CPQ: variants seen among roughly 807,000 people sequenced by gnomAD.
The protein encoded by CPQ is carboxypeptidase Q.
A neutral mutation model predicts 45.7 loss-of-function variants in CPQ; 37 were observed. The ratio of observed to expected loss-of-function variants is 0.81; its 90% CI spans 0.62 to 1.07. CPQ has a LOEUF of 1.07. Among genes scored for constraint, CPQ ranks in the 50% least tolerant of loss-of-function variants. The probability of loss-of-function intolerance (pLI) is 0.00; values close to 1 mark genes in which losing one functional copy is unlikely to be tolerated. For missense variants in CPQ, 537 were observed against 572.9 expected (o/e 0.94, Z 0.64); for synonymous variants, 186 against 205.8 (o/e 0.90, Z 0.82).
chr8:96,898,082 T>C (rs1812467214), intron 4 of CPQ, among the ~76,000 whole-genome samples: 1 of 152,114 alleles, frequency 6.6e-6, no homozygotes, highest in Non-Finnish European at 1.5e-5. Context: ...ACCCTTCCTT[T>C]GGAAACAGCA....
chr8:96,773,292 T>C (rs1252041506), intron 1 of CPQ, among the ~76,000 whole-genome samples: 1 of 152,210 alleles, frequency 6.6e-6, no homozygotes, highest in Non-Finnish European at 1.5e-5. Context: ...GAGAACATGC[T>C]TGGTGAATTT....
At chr8:96,940,978 T>C (rs939096896) in intron 4 of CPQ, among the ~76,000 whole-genome samples, 1 of 152,160 alleles carries the variant, frequency 6.6e-6, no homozygotes, top group Admixed American at 6.6e-5. Flanking sequence ...CTCCTTAAAA[T>C]GAGCCAGCAT....
At chr8:96,683,911 T>G (rs1317167159) in intron 1 of CPQ, among the ~76,000 whole-genome samples, 2 of 152,160 alleles carry the variant, frequency 1.3e-5, no homozygotes, top group Non-Finnish European at 2.9e-5. Context: ...TGGATATCTG[T>G]CTCTGGTATT....
chr8:96,913,453 C>T (rs1219607393), intron 4 of CPQ, among the ~76,000 whole-genome samples: 1 of 152,118 alleles, frequency 6.6e-6, no homozygotes, highest in African/African-American at 2.4e-5. Flanking sequence ...AAGTGAGAGG[C>T]AGGGAGCTTT....
intron 5 of CPQ, among the ~76,000 whole-genome samples, chr8:96,977,916 C>T (rs1041792482): frequency 6.6e-6 from 1 of 152,134 alleles, no homozygotes; most frequent in African/African-American, 2.4e-5. Flanking sequence ...CAGAAATTAC[C>T]ACTAAATAAC....
chr8:96,941,402 C>G (rs564586152), intron 4 of CPQ, among the ~76,000 whole-genome samples: 30 of 152,212 alleles, frequency 2.0e-4, no homozygotes, highest in Non-Finnish European at 4.1e-4. Context: ...TTTCTTTAAT[C>G]TTTTGTCCTG....
chr8:96,736,989 T>A (rs1809991565), intron 1 of CPQ, among the ~76,000 whole-genome samples: 1 of 152,076 alleles, frequency 6.6e-6, no homozygotes, highest in Admixed American at 6.6e-5. Flanking sequence ...ATTTGTGCCC[T>A]CTTTCTGTAT....
chr8:96,916,347 T>C (rs1563528193), intron 4 of CPQ, among the ~76,000 whole-genome samples: 1 of 152,172 alleles, frequency 6.6e-6, no homozygotes, highest in Non-Finnish European at 1.5e-5. Flanking sequence ...AATGGGATCA[T>C]AGATATGAAT....
intron 2 of CPQ, among the ~76,000 whole-genome samples, chr8:96,798,873 G>A (rs1297775002): frequency 1.3e-5 from 2 of 151,992 alleles, no homozygotes; most frequent in Non-Finnish European, 2.9e-5. Flanking sequence ...CATGGTAAAA[G>A]CCACACCTTA....
At chr8:97,088,573 G>A (rs1319758627) in intron 7 of CPQ, among the ~76,000 whole-genome samples, 1 of 152,180 alleles carries the variant, frequency 6.6e-6, no homozygotes, top group Non-Finnish European at 1.5e-5. Context: ...GAATGAAAAT[G>A]TATCCGTTTC....
chr8:96,860,909 A>G (rs935768732), intron 3 of CPQ, among the ~76,000 whole-genome samples: 6 of 152,294 alleles, frequency 3.9e-5, no homozygotes, highest in East Asian at 3.9e-4. Context: ...TGGATTTTCA[A>G]TGTGAGTGTC....
chr8:96,751,371 A>C (rs1323307386), intron 1 of CPQ, among the ~76,000 whole-genome samples: 2 of 152,122 alleles, frequency 1.3e-5, no homozygotes, highest in African/African-American at 4.8e-5. Context: ...TTTGATTTGC[A>C]TTTCTCTAAT....
At chr8:96,803,685 C>G (rs1487664349) in intron 2 of CPQ, among the ~76,000 whole-genome samples, 1 of 152,138 alleles carries the variant, frequency 6.6e-6, no homozygotes, top group Non-Finnish European at 1.5e-5. Flanking sequence ...AACAATGGAC[C>G]AGTGTAGTCA....
chr8:96,972,628 G>A (rs545641948), intron 5 of CPQ, among the ~76,000 whole-genome samples: 84 of 152,292 alleles, frequency 5.5e-4, no homozygotes, highest in African/African-American at 1.9e-3. Context: ...TCGCAGAGAC[G>A]ACTTCACTCC....
intron 4 of CPQ, among the ~76,000 whole-genome samples, chr8:96,931,019 CT>C (rs1299334193): frequency 1.3e-5 from 2 of 152,184 alleles, no homozygotes; most frequent in Non-Finnish European, 2.9e-5. Context: ...TGTTCTTCCC[CT>C]GTCTTCTGTC....
At chr8:97,051,733 C>T (rs1224206318) in intron 6 of CPQ, among the ~76,000 whole-genome samples, 1 of 152,178 alleles carries the variant, frequency 6.6e-6, no homozygotes, top group Non-Finnish European at 1.5e-5. Flanking sequence ...AATGAGTAAA[C>T]TGAGGCTCAG....
intron 1 of CPQ, among the ~76,000 whole-genome samples, chr8:96,659,038 A>T (rs530484811): frequency 6.6e-6 from 1 of 152,358 alleles, no homozygotes; most frequent in South Asian, 2.1e-4. Context: ...GGGTTGTTGT[A>T]AGGGTTAGGA....
chr8:96,723,154 C>T (rs1000787238), intron 1 of CPQ, among the ~76,000 whole-genome samples: 4 of 151,784 alleles, frequency 2.6e-5, no homozygotes, highest in South Asian at 2.1e-4. Context: ...TACCATACCC[C>T]GAATAGTAAA....
chr8:96,753,928 AAC>A (rs944723498), intron 1 of CPQ, among the ~76,000 whole-genome samples: 2 of 152,010 alleles, frequency 1.3e-5, no homozygotes. Context: ...CAGAAAAAAA[AAC>A]AGTGTTGAAT....
Sources: allele counts gnomAD v4.1 joint callset (sites outside exome capture counted in the v4.1 genomes callset), GRCh38; gene constraint gnomAD v4.1.1; transcripts MANE v1.5; gene names NCBI Gene and HGNC (gene_info 2026-07-23, HGNC 2026-07-21).